SOHLH2: variants seen among roughly 807,000 people sequenced by gnomAD.
The protein encoded by SOHLH2 is spermatogenesis and oogenesis specific basic helix-loop-helix 2.
A neutral mutation model predicts 50.4 loss-of-function variants in SOHLH2; 22 were observed. That is an observed-to-expected ratio of 0.44 (90% CI 0.31 to 0.62). The LOEUF (loss-of-function observed/expected upper bound fraction) is 0.62, where lower values mean the gene tolerates loss of function less well. Among genes scored for constraint, SOHLH2 ranks in the 20% least tolerant of loss-of-function variants. The pLI is 0.08. For synonymous variants in SOHLH2, 185 were observed against 187.3 expected (o/e 0.99, Z 0.10); for missense variants, 412 against 504.4 (o/e 0.82, Z 1.76).
chr13:36,205,404 G>A lies in SOHLH2; in HGVS notation c.49-3311C>T, dbSNP rs564594260. 2.0e-5 allele frequency among the ~76,000 whole-genome samples: 3 copies of A among 152,118 alleles called. No individual in the cohort carries two copies. The East Asian group carries it at 5.8e-4, about 29-fold the overall frequency. ...AATATGATACTTACTGAAGATTTCTGATCAATATCCTTTATCAGTTAAAAA... is the reference window on the plus strand; with the variant it reads ...AATATGATACTTACTGAAGATTTCTAATCAATATCCTTTATCAGTTAAAAA... On this transcript the variant is annotated intron_variant, in intron 1 of 10. Coordinates refer to ENST00000379881, the MANE Select transcript of SOHLH2 (RefSeq NM_017826.3).
At chr13:36,201,823 A>G (rs182291309) in intron 2 of SOHLH2, 56 bp downstream of exon 2, 2 of 1,592,046 alleles carry the variant, frequency 1.3e-6, no homozygotes, top group South Asian at 1.1e-5. Context: ...TTTTTAAAAA[A>G]TGGGTTTTTA....
chr13:36,181,745 G>C (rs1887261488), intron 6 of SOHLH2, among the ~76,000 whole-genome samples: 1 of 152,002 alleles, frequency 6.6e-6, no homozygotes, highest in South Asian at 2.1e-4. Context: ...GTTTGTTTTT[G>C]CTCAGACATT....
chr13:36,173,941 T>C, intron 8 of SOHLH2, 131 bp from the exon 9 acceptor site: 1 of 1,054,862 alleles, frequency 9.5e-7, no homozygotes, highest in Non-Finnish European at 1.4e-6. Context: ...ATTATTTACA[T>C]ATGAGCAAAG....
intron 2 of SOHLH2, among the ~76,000 whole-genome samples, chr13:36,198,067 A>G (rs1593954093): frequency 6.6e-6 from 1 of 152,200 alleles, no homozygotes; most frequent in East Asian, 1.9e-4. Context: ...TCCGTGGCTC[A>G]CAAGATTGGG....
At chr13:36,174,964 A>C in intron 6 of SOHLH2, 95 bp from the exon 7 acceptor site, 1 of 1,479,686 alleles carries the variant, frequency 6.8e-7, no homozygotes. Context: ...TATGTTTGTA[A>C]AGGAACCATC....
At chr13:36,176,533 T>C (rs183817958) in intron 6 of SOHLH2, among the ~76,000 whole-genome samples, 11 of 152,262 alleles carry the variant, frequency 7.2e-5, no homozygotes, top group Admixed American at 7.2e-4. Flanking sequence ...AATATTTGCA[T>C]AGACATAATA....
intron 4 of SOHLH2, among the ~76,000 whole-genome samples, chr13:36,193,333 C>T (rs1347168576): frequency 6.6e-6 from 1 of 152,152 alleles, no homozygotes; most frequent in Admixed American, 6.5e-5. Flanking sequence ...CAGTTAATTC[C>T]ATTTTAATGA....
At chr13:36,213,714 G>A (rs1442242777) in intron 1 of SOHLH2, among the ~76,000 whole-genome samples, 1 of 152,128 alleles carries the variant, frequency 6.6e-6, no homozygotes, top group East Asian at 1.9e-4. Context: ...CATGGAGGTG[G>A]CAAATGCGTG....
chr13:36,173,936 T>G (rs1463516968), intron 8 of SOHLH2, 126 bp from the exon 9 acceptor site: 1 of 1,097,614 alleles, frequency 9.1e-7, no homozygotes, highest in African/African-American at 1.6e-5. Context: ...TATGGATTAT[T>G]TACATATGAG....
chr13:36,204,192 C>T (rs554133876), intron 1 of SOHLH2, among the ~76,000 whole-genome samples: 2 of 152,170 alleles, frequency 1.3e-5, no homozygotes, highest in East Asian at 3.9e-4. Context: ...CTCGGGTGAT[C>T]CGCCCACCTT....
chr13:36,201,873 G>A lies in SOHLH2; in HGVS notation c.263+6C>T, dbSNP rs771436271. Reference sequence around the variant, plus strand: ...AAGATACAGCATCAAGGCTTTTGAAGTTTACCTAATTAACTTGATGGCTTC... The same window carrying A: ...AAGATACAGCATCAAGGCTTTTGAAATTTACCTAATTAACTTGATGGCTTC... On this transcript the variant is annotated splice_donor_region_variant and intron_variant, in intron 2 of 10. Transcript: ENST00000379881. 2 of 1,614,166 alleles carry A rather than the reference G, an allele frequency of 1.2e-6. No homozygotes were observed. Among genetic ancestry groups the A allele is most frequent in the East Asian group, 2.2e-5 (1 of 44,884 alleles).
At chr13:36,188,414 T>C (rs1189472288) in intron 6 of SOHLH2, among the ~76,000 whole-genome samples, 1 of 152,234 alleles carries the variant, frequency 6.6e-6, no homozygotes, top group Non-Finnish European at 1.5e-5. Context: ...TGGCCTCTTA[T>C]CAAAATCTCG....
At chr13:36,183,295 A>G (rs1489149412) in intron 6 of SOHLH2, 1 of 191,192 alleles carries the variant, frequency 5.2e-6, no homozygotes, top group African/African-American at 2.3e-5. Context: ...ACACAATAAC[A>G]TATGTAAAAG....
At chr13:36,170,140 G>T (rs1194962036) in intron 10 of SOHLH2, among the ~76,000 whole-genome samples, 1 of 152,154 alleles carries the variant, frequency 6.6e-6, no homozygotes, top group African/African-American at 2.4e-5. Flanking sequence ...AAGTGATGCT[G>T]CCCACCTAAG....
rs373586923 is a variant in SOHLH2 at position 36,194,187 on chromosome 13, T to A, written c.264-320A>T. ...GGAATGAAACAAGCAGAATCTAGAA[T>A]GGGGGGAATTCTGTAAGACAAATGA... is the stretch of plus-strand genomic sequence containing the variant. On this transcript the variant is annotated intron_variant, in intron 2 of 10. Coordinates refer to ENST00000379881, the MANE Select transcript of SOHLH2 (RefSeq NM_017826.3). Among the ~76,000 whole-genome samples, 25 of 151,792 alleles carry A rather than the reference T, an allele frequency of 1.6e-4. No homozygotes were observed. The South Asian group carries it at 3.5e-3, about 22-fold the overall frequency.
At chr13:36,209,290 G>A (rs1868966360) in intron 1 of SOHLH2, among the ~76,000 whole-genome samples, 1 of 150,094 alleles carries the variant, frequency 6.7e-6, no homozygotes, top group Non-Finnish European at 1.5e-5. Flanking sequence ...TTTAGGATGT[G>A]ATATTCTCTC....
chr13:36,195,800 G>A (rs1281251762), intron 2 of SOHLH2, among the ~76,000 whole-genome samples: 1 of 152,166 alleles, frequency 6.6e-6, no homozygotes, highest in East Asian at 1.9e-4. Flanking sequence ...CATCCATTCA[G>A]ACTTGATTCT....
At chr13:36,188,296 A>G (rs1209513069) in intron 6 of SOHLH2, among the ~76,000 whole-genome samples, 1 of 152,202 alleles carries the variant, frequency 6.6e-6, no homozygotes, top group Non-Finnish European at 1.5e-5. Context: ...CAAGCCAGTA[A>G]ATCTTGTTTT....
At chr13:36,180,287 C>A (rs1887214632) in intron 6 of SOHLH2, among the ~76,000 whole-genome samples, 1 of 152,068 alleles carries the variant, frequency 6.6e-6, no homozygotes, top group South Asian at 2.1e-4. Context: ...AGCCTCCTCC[C>A]CCTTCACCAC....
Sources: allele counts gnomAD v4.1 joint callset (sites outside exome capture counted in the v4.1 genomes callset), GRCh38; gene constraint gnomAD v4.1.1; transcripts MANE v1.5; gene names NCBI Gene and HGNC (gene_info 2026-07-23, HGNC 2026-07-21).